CRIM1: variants seen among roughly 807,000 people sequenced by gnomAD.
CRIM1 encodes cysteine-rich motor neuron 1 protein.
CRIM1 carries 32 observed loss-of-function variants against 116.4 expected under a neutral mutation model. The ratio of observed to expected loss-of-function variants is 0.27; its 90% CI spans 0.21 to 0.37. The LOEUF is 0.37. Ranked by LOEUF, CRIM1 falls within the 10% of genes least tolerant of loss-of-function variation. The probability of loss-of-function intolerance (pLI) is 1.00; values close to 1 mark genes in which losing one functional copy is unlikely to be tolerated. For synonymous variants in CRIM1, 590 were observed against 509.2 expected (o/e 1.16, Z -2.13); for missense variants, 1,331 against 1,354.8 (o/e 0.98, Z 0.28).
intron 4 of CRIM1, among the ~76,000 whole-genome samples, chr2:36,448,714 TTC>T (rs1443002626): frequency 6.6e-6 from 1 of 152,264 alleles, no homozygotes; most frequent in Admixed American, 6.5e-5. Flanking sequence ...GTTCTAAAAG[TTC>T]TGTTATCAAT....
At chr2:36,468,470 C>A (rs755151208) in intron 5 of CRIM1, among the ~76,000 whole-genome samples, 2 of 152,010 alleles carry the variant, frequency 1.3e-5, no homozygotes, top group African/African-American at 4.8e-5. Flanking sequence ...TGACAAGCGC[C>A]GAAAGGAGAA....
intron 2 of CRIM1, among the ~76,000 whole-genome samples, chr2:36,430,414 A>C (rs774722306): frequency 5.3e-5 from 8 of 152,194 alleles, no homozygotes; most frequent in Non-Finnish European, 1.0e-4. Flanking sequence ...GGAGTACTAT[A>C]ATTATCATTT....
chr2:36,387,881 T>G (rs568000755), intron 1 of CRIM1, among the ~76,000 whole-genome samples: 6 of 152,288 alleles, frequency 3.9e-5, no homozygotes, highest in Non-Finnish European at 5.9e-5. Context: ...CTCCATAGAT[T>G]TATTATTTCC....
At chr2:36,359,055 G>T (rs529793425) in intron 1 of CRIM1, among the ~76,000 whole-genome samples, 1 of 152,152 alleles carries the variant, frequency 6.6e-6, no homozygotes, top group East Asian at 1.9e-4. Flanking sequence ...TTTTCTGTGA[G>T]TTTACAAGAA....
At chr2:36,388,148 G>A (rs961693141) in intron 1 of CRIM1, among the ~76,000 whole-genome samples, 11 of 152,162 alleles carry the variant, frequency 7.2e-5, no homozygotes, top group Middle Eastern at 3.4e-3. Context: ...TACAGAAGTA[G>A]AGACAGTTGT....
At chr2:36,426,910 G>C (rs1187548126) in intron 2 of CRIM1, among the ~76,000 whole-genome samples, 2 of 152,082 alleles carry the variant, frequency 1.3e-5, no homozygotes, top group Non-Finnish European at 2.9e-5. Context: ...TTTAAAAATG[G>C]TAAGAAAAGG....
intron 12 of CRIM1, among the ~76,000 whole-genome samples, chr2:36,520,102 G>T (rs1665283516): frequency 6.6e-6 from 1 of 152,134 alleles, no homozygotes; most frequent in Non-Finnish European, 1.5e-5. Flanking sequence ...GTCAGGGTTG[G>T]GCCAGGAGCC....
intron 2 of CRIM1, among the ~76,000 whole-genome samples, chr2:36,410,095 A>G (rs77176479): frequency 0.012 from 1,769 of 152,314 alleles, 43 homozygotes; most frequent in African/African-American, 0.041. Flanking sequence ...AGGTGACAGC[A>G]GTAAGTGGTG....
intron 1 of CRIM1, among the ~76,000 whole-genome samples, chr2:36,392,456 T>G (rs570389673): frequency 1.3e-5 from 2 of 152,160 alleles, no homozygotes; most frequent in South Asian, 4.2e-4. Flanking sequence ...TAACTTTTTT[T>G]TTTTCCTGAC....
At chr2:36,366,151 G>A (rs1192154753) in intron 1 of CRIM1, among the ~76,000 whole-genome samples, 1 of 152,242 alleles carries the variant, frequency 6.6e-6, no homozygotes, top group Non-Finnish European at 1.5e-5. Context: ...GTAGAACAAG[G>A]AGAAAGAACT....
intron 8 of CRIM1, 66 bp from the exon 9 acceptor site, chr2:36,509,917 T>A: frequency 7.0e-7 from 1 of 1,438,722 alleles, no homozygotes; most frequent in Non-Finnish European, 9.5e-7. Flanking sequence ...GGGACCGTAT[T>A]TCAGCATCGA....
intron 2 of CRIM1, among the ~76,000 whole-genome samples, chr2:36,420,106 C>G (rs1032570110): frequency 6.6e-6 from 1 of 152,124 alleles, no homozygotes; most frequent in African/African-American, 2.4e-5. Context: ...AACTTCCTGC[C>G]CTCTTTCTTC....
chr2:36,387,371 A>G (rs1027394204), intron 1 of CRIM1, among the ~76,000 whole-genome samples: 3 of 152,242 alleles, frequency 2.0e-5, no homozygotes, highest in African/African-American at 4.8e-5. Context: ...TGATAACTGA[A>G]AATTGATATC....
chr2:36,498,033 T>C (rs1680724233), intron 7 of CRIM1, among the ~76,000 whole-genome samples: 1 of 152,216 alleles, frequency 6.6e-6, no homozygotes, highest in South Asian at 2.1e-4. Context: ...CTGCACCTCA[T>C]ATTTTCCATC....
chr2:36,506,890 C>T (rs1681469220), intron 8 of CRIM1, among the ~76,000 whole-genome samples: 1 of 151,974 alleles, frequency 6.6e-6, no homozygotes, highest in South Asian at 2.1e-4. Flanking sequence ...CAGGTTCTCA[C>T]CCTGTCACCC....
intron 1 of CRIM1, among the ~76,000 whole-genome samples, chr2:36,374,017 C>A (rs1670128574): frequency 1.3e-5 from 2 of 152,220 alleles, no homozygotes; most frequent in African/African-American, 2.4e-5. Context: ...CCGTGGGCGT[C>A]TTTTCCTGTG....
intron 1 of CRIM1, among the ~76,000 whole-genome samples, chr2:36,368,471 T>C (rs1429232208): frequency 6.6e-6 from 1 of 152,250 alleles, no homozygotes; most frequent in African/African-American, 2.4e-5. Context: ...TTAGGTAGTA[T>C]GAACCTGCGG....
intron 2 of CRIM1, among the ~76,000 whole-genome samples, chr2:36,433,269 G>A (rs1477049): frequency 0.028 from 4,216 of 152,198 alleles, 178 homozygotes; most frequent in African/African-American, 0.094. Context: ...CTGGTCTAGG[G>A]GCCACACTTT....
Position 36,536,870 on chromosome 2 carries a change from A to G in CRIM1, c.2429-482A>G, listed in dbSNP as rs556624947. ...AGAAATGTCCTTGTAGGTGAGAGAA[A>G]TCTACGCAGCATCCCTGGAAAATGA... On this transcript the variant is annotated intron_variant, in intron 13 of 16. Coordinates refer to ENST00000280527, the MANE Select transcript of CRIM1 (RefSeq NM_016441.3). 3.9e-5 allele frequency among the ~76,000 whole-genome samples: 6 copies of G among 152,220 alleles called. No homozygotes were observed. The East Asian group carries it at 1.2e-3, about 29-fold the overall frequency.
Sources: gnomAD v4.1 joint callset for allele counts (sites outside exome capture counted in the v4.1 genomes callset) on GRCh38, gnomAD v4.1.1 for gene constraint, MANE v1.5 for transcripts, NCBI Gene and HGNC (gene_info 2026-07-23, HGNC 2026-07-21) for gene names.